Variants in DNAAF1 observed in about 807,000 individuals in gnomAD.
DNAAF1 encodes the protein dynein axonemal assembly factor 1, also known as dynein assembly factor 1, axonemal.
DNAAF1 carries 65 observed loss-of-function variants against 71.1 expected under a neutral mutation model. The ratio of observed to expected loss-of-function variants is 0.91; its 90% CI spans 0.75 to 1.12. DNAAF1 has a LOEUF of 1.12. Among genes scored for constraint, DNAAF1 ranks in the 50% most tolerant of loss-of-function variants. The pLI, the probability that DNAAF1 is intolerant of heterozygous loss-of-function variation, is 0.00. For synonymous variants in DNAAF1, 414 were observed against 354.6 expected (o/e 1.17, Z -1.88); for missense variants, 1,178 against 899.8 (o/e 1.31, Z -3.96).
At chr16:84,156,851 C>CTTTTTTTTTTTTTTTTTTTTTTTTTTTT (rs778916785) in intron 5 of DNAAF1, among the ~76,000 whole-genome samples, 1 of 111,808 alleles carries the variant, frequency 8.9e-6, no homozygotes, top group African/African-American at 3.6e-5. Context: ...TTCTTTCTTT[C>CTTTTTTTTTTTTTTTTTTTTTTTTTTTT]TTTTTTTTTT....
chr16:84,146,622 CAGG>C (rs2086924461), intron 1 of DNAAF1, among the ~76,000 whole-genome samples: 1 of 151,980 alleles, frequency 6.6e-6, no homozygotes, highest in African/African-American at 2.4e-5. Context: ...GAGGCTAAGG[CAGG>C]AGAATTCCCT....
chr16:84,159,875 T>C, intron 6 of DNAAF1, 79 bp downstream of exon 6: 2 of 1,549,160 alleles, frequency 1.3e-6, no homozygotes, highest in Non-Finnish European at 1.8e-6. Context: ...TTTAAATTTC[T>C]GATTCTTGAG....
chr16:84,171,095 G>A (rs1299671021), intron 8 of DNAAF1, among the ~76,000 whole-genome samples: 1 of 152,176 alleles, frequency 6.6e-6, no homozygotes, highest in East Asian at 1.9e-4. Flanking sequence ...AGCCCCGAGA[G>A]CAATGGAGGG....
intron 9 of DNAAF1, chr16:84,173,046 C>A: frequency 3.0e-6 from 3 of 990,220 alleles, no homozygotes; most frequent in Non-Finnish European, 3.6e-6. Context: ...ATAGGAGAGG[C>A]ATTTCTGGGT....
intron 4 of DNAAF1, among the ~76,000 whole-genome samples, chr16:84,155,098 CG>C (rs1461160262): frequency 6.6e-6 from 1 of 152,066 alleles, no homozygotes; most frequent in African/African-American, 2.4e-5. Flanking sequence ...TTAGTAGAGA[CG>C]GGGTTTCACC....
chr16:84,157,395 C>T (rs1740889914), intron 5 of DNAAF1, among the ~76,000 whole-genome samples: 1 of 150,950 alleles, frequency 6.6e-6, no homozygotes, highest in South Asian at 2.1e-4. Flanking sequence ...TGGTGGTGCA[C>T]GTCTGTGATC....
At chr16:84,155,250 A>G (rs1237023710) in intron 4 of DNAAF1, among the ~76,000 whole-genome samples, 1 of 151,652 alleles carries the variant, frequency 6.6e-6, no homozygotes, top group Non-Finnish European at 1.5e-5. Context: ...TCTTTTTGAG[A>G]TGGGGTCTTG....
At chr16:84,172,156 C>CA in intron 8 of DNAAF1, 104 bp from the exon 9 acceptor site, 1 of 1,069,254 alleles carries the variant, frequency 9.4e-7, no homozygotes, top group Non-Finnish European at 1.4e-6. Context: ...GGATTACAGG[C>CA]ATGAGCCACC....
At chr16:84,168,003 GCGAAACTCCAT>G (rs893437976) in intron 7 of DNAAF1, among the ~76,000 whole-genome samples, 4 of 151,466 alleles carry the variant, frequency 2.6e-5, no homozygotes, top group Non-Finnish European at 5.9e-5. Flanking sequence ...GGCGACAAGA[GCGAAACTCCAT>G]CTCAAAAAAA....
Position 84,149,269 on chromosome 16 carries a change from G to GC in DNAAF1, c.260+127_260+128insC, listed in dbSNP as rs571338164. ...ATTGCCTGCCCAATGTCTGAGAATG[G>GC]AGTGAGGATGGCACTGCCTCTGCCG... On this transcript the variant is annotated intron_variant, in intron 2 of 11. Transcript: ENST00000378553. 3.3e-4 allele frequency: 413 copies of GC among 1,241,606 alleles called. 9 individuals are homozygous for GC. In the East Asian group the frequency reaches 6.7e-3, roughly 20 times the overall value. 76.9% of individuals were successfully genotyped at this position (1,241,606 alleles called of 1,614,324 possible). A position where few individuals can be genotyped will look rare whatever the true frequency, so the allele number is the denominator to read the frequency against.
In DNAAF1 at chr16:84,168,827, T is replaced by TACACGCACACAC. The variant is rs145304597; in HGVS notation, c.1031-1028_1031-1027insGCACACACACAC. 3.2e-4 allele frequency among the ~76,000 whole-genome samples: 47 copies of TACACGCACACAC among 145,994 alleles called. 1 individual carries two copies. Among genetic ancestry groups the TACACGCACACAC allele is most frequent in the South Asian group, 2.4e-3 (11 of 4,612 alleles). On this transcript the variant is annotated intron_variant, in intron 7 of 11. Coordinates refer to ENST00000378553, the MANE Select transcript of DNAAF1 (RefSeq NM_178452.6). ...CATAATTTGCTACACATTTGCCACA[T>TACACGCACACAC]ACACACACACACACACACACACACA...
rs1279919782 is a variant in DNAAF1 at position 84,155,632 on chromosome 16, G to C, written c.624G>C (p.Glu208Asp). The C allele has an allele frequency of 5.6e-6, 9 of 1,614,168 alleles. No homozygotes were observed. Among genetic ancestry groups the C allele is most frequent in the African/African-American group, 1.3e-5 (1 of 75,030 alleles). Residue 208 changes from glutamate (E) to aspartate (D), a missense_variant, in exon 5 of 12, where the codon GAG (glutamate) becomes GAC (aspartate). Physicochemically the swap from Glu to Asp is conservative, Grantham distance 45. Transcript: ENST00000378553. ...NTLQMAHNHL[E>D]TVEDIQHLQE... ...TGCAGATGGCCCACAATCACCTGGA[G>C]ACCGTGGAGGACATTCAGCATCTAC...
intron 6 of DNAAF1, among the ~76,000 whole-genome samples, chr16:84,162,375 G>A (rs2087755403): frequency 6.6e-6 from 1 of 151,586 alleles, no homozygotes; most frequent in Admixed American, 6.6e-5. Context: ...GGCTGAGGTG[G>A]GTGGATCACT....
intron 6 of DNAAF1, 123 bp from the exon 7 acceptor site, chr16:84,165,660 A>C (rs973826604): frequency 6.3e-6 from 6 of 954,072 alleles, no homozygotes; most frequent in Admixed American, 5.3e-5. Flanking sequence ...TGGAACTTTT[A>C]TCCTTGCAGT....
At chr16:84,151,320 G>A (rs993923912) in intron 3 of DNAAF1, among the ~76,000 whole-genome samples, 17 of 152,206 alleles carry the variant, frequency 1.1e-4, no homozygotes, top group African/African-American at 2.9e-4. Context: ...TTATGAGGAC[G>A]GTGCCACGCC....
chr16:84,149,262 G>C, intron 2 of DNAAF1, 120 bp downstream of exon 2: 1 of 1,317,606 alleles, frequency 7.6e-7, no homozygotes, highest in Non-Finnish European at 1.1e-6. Context: ...CCCAATGTCT[G>C]AGAATGGAGT....
chr16:84,161,139 T>C (rs962682613), intron 6 of DNAAF1, among the ~76,000 whole-genome samples: 2 of 152,078 alleles, frequency 1.3e-5, no homozygotes, highest in Non-Finnish European at 2.9e-5. Context: ...TGGGCGCACG[T>C]TCCTCATCTG....
chr16:84,150,141 T>C (rs2087116397), intron 2 of DNAAF1, 110 bp from the exon 3 acceptor site: 2 of 764,308 alleles, frequency 2.6e-6, no homozygotes, highest in African/African-American at 1.7e-5. Context: ...ATCAGGGATA[T>C]AGGATGTTAT....
At position 84,172,345 on chromosome 16, in the gene DNAAF1, A is replaced by G. The variant is rs2088408495; in HGVS notation, c.1614A>G (p.Arg538=). ...GTRTEDLETI[R]LETKETFCID... ...GAACGGAAGATTTAGAAACCATTAG[A>G]CTGGAGACAAAGGAGACATTCTGCA... The change falls in exon 9 of 12, where the codon AGA becomes AGG. Residue 538 remains arginine (R), a synonymous_variant. Transcript: ENST00000378553. 6.2e-7 allele frequency: 1 copy of G among 1,614,064 alleles called. No homozygotes were observed. Among genetic ancestry groups the G allele is most frequent in the African/African-American group, 1.3e-5 (1 of 74,930 alleles).
Sources: allele counts gnomAD v4.1 joint callset (sites outside exome capture counted in the v4.1 genomes callset), GRCh38; gene constraint gnomAD v4.1.1; transcripts MANE v1.5; gene names NCBI Gene and HGNC (gene_info 2026-07-23, HGNC 2026-07-21).